CC2D2B: variants seen among roughly 807,000 people sequenced by gnomAD.
The protein encoded by CC2D2B is protein CC2D2B.
A neutral mutation model predicts 161.2 loss-of-function variants in CC2D2B; 128 were observed. The ratio of observed to expected loss-of-function variants is 0.79; its 90% CI spans 0.69 to 0.92. The LOEUF (loss-of-function observed/expected upper bound fraction) is 0.92. CC2D2B is among the 40% of genes least tolerant of loss of function. The pLI, the probability that CC2D2B is intolerant of heterozygous loss-of-function variation, is 0.00. For synonymous variants in CC2D2B, 391 were observed against 449.8 expected (o/e 0.87, Z 1.65); for missense variants, 1,173 against 1,375.1 (o/e 0.85, Z 2.32).
intron 32 of CC2D2B, among the ~76,000 whole-genome samples, chr10:96,023,783 G>A (rs985934643): frequency 2.0e-5 from 3 of 152,210 alleles, no homozygotes; most frequent in Non-Finnish European, 4.4e-5. Context: ...AGAGCCAGCG[G>A]AAGGGGAGCT....
At chr10:96,027,844 T>G (rs566905713) in intron 34 of CC2D2B, among the ~76,000 whole-genome samples, 1 of 152,154 alleles carries the variant, frequency 6.6e-6, no homozygotes, top group Non-Finnish European at 1.5e-5. Context: ...CACACCTAAG[T>G]GAACTCATTT....
Position 96,019,743 on chromosome 10 carries a change from A to AT in CC2D2B, c.3813dup (p.Asp1272Ter). On this transcript the variant is annotated frameshift_variant, in exon 32 of 35. Coordinates refer to ENST00000646931, the MANE Select transcript of CC2D2B (RefSeq NM_001349008.3). LOFTEE classifies it high-confidence loss of function. Reference sequence around the variant, plus strand: ...AACAAAATAATACACCAATGGCTGTATTTTTTGACTATTCAAAGGAAAGTT... The same window carrying AT: ...AACAAAATAATACACCAATGGCTGTATTTTTTTGACTATTCAAAGGAAAGTT... 6.2e-7 allele frequency: 1 copy of AT among 1,602,270 alleles called. No individual in the cohort carries two copies. Among genetic ancestry groups the AT allele is most frequent in the East Asian group, 2.2e-5 (1 of 44,672 alleles).
chr10:96,016,279 A>G lies in CC2D2B; in HGVS notation c.3595A>G (p.Lys1199Glu). The change falls in exon 30 of 35, where the codon AAG (lysine) becomes GAG (glutamate). Residue 1199 changes from lysine to glutamate, a missense_variant. Physicochemically the swap from Lys to Glu is moderately conservative, Grantham distance 56. Around this residue, in one of 3 missense-constraint regions of CC2D2B, gnomAD observed 598 missense variants for 693.2 expected, o/e 0.86. Coordinates refer to ENST00000646931, the MANE Select transcript of CC2D2B (RefSeq NM_001349008.3). ...LCNFFLYFGK[K>E]ALVLLGTSVL... is the part of the protein sequence containing the mutation. ...TAATTTCTTTCTGTATTTTGGAAAG[A>G]AGGCACTGGTCCTCTTGGGAACGTC... The G allele has an allele frequency of 1.2e-6, 2 of 1,612,898 alleles. No individual in the cohort carries two copies. Among genetic ancestry groups the G allele is most frequent in the South Asian group, 1.1e-5 (1 of 90,962 alleles).
At chr10:95,914,319 A>C (rs1421919755) in intron 2 of CC2D2B, among the ~76,000 whole-genome samples, 1 of 151,780 alleles carries the variant, frequency 6.6e-6, no homozygotes, top group African/African-American at 2.4e-5. Flanking sequence ...ATTGATGTGT[A>C]TGTGTGTGCG....
rs1190951352 is a variant in CC2D2B at position 95,947,111 on chromosome 10, A to AT, written c.802-2784dup. On this transcript the variant is annotated intron_variant, in intron 9 of 34. Coordinates refer to ENST00000646931, the MANE Select transcript of CC2D2B (RefSeq NM_001349008.3). ...TATATATATATATATATATATATAT[A>AT]TATTTTTTTTTTTTTTTTTGAGACA... is the stretch of plus-strand genomic sequence containing the variant. Among the ~76,000 whole-genome samples the AT allele has an allele frequency of 5.0e-3, 204 of 40,696 alleles. 1 individual carries two copies. Among genetic ancestry groups the AT allele is most frequent in the Non-Finnish European group, 5.0e-3 (122 of 24,472 alleles). The allele number at this position is 40,696 out of a possible 152,430, so 26.7% of individuals were successfully genotyped here.
At position 95,988,337 on chromosome 10, in the gene CC2D2B, A is replaced by G; in HGVS notation, c.2374A>G (p.Lys792Glu). ...AAGGATTAATTCTGCCAATTTTCTG[A>G]AAAAGGTAACAACACAGTATTATCA... is the stretch of plus-strand genomic sequence containing the variant. ...AQRINSANFL[K>E]KVRRLIMKRI... The change falls in exon 20 of 35, where the codon AAA becomes GAA. Residue 792 changes from lysine to glutamate, a missense_variant. Lys to Glu is a moderately conservative substitution (Grantham distance 56). This residue lies in a region of CC2D2B where 277 missense variants were observed against 420.6 expected (regional missense o/e 0.66). Transcript: ENST00000646931. 1 of 1,211,744 alleles carries G rather than the reference A, an allele frequency of 8.3e-7. No individual in the cohort carries two copies. Among genetic ancestry groups the G allele is most frequent in the African/African-American group, 1.6e-5 (1 of 63,486 alleles). 75.1% of individuals were successfully genotyped at this position (1,211,744 alleles called of 1,614,324 possible).
intron 28 of CC2D2B, among the ~76,000 whole-genome samples, 200 bp downstream of exon 28, chr10:96,012,929 A>G (rs1175162696): frequency 2.0e-5 from 3 of 152,202 alleles, no homozygotes; most frequent in Non-Finnish European, 2.9e-5. Flanking sequence ...GCCTATTGCT[A>G]CACCGCTTTT....
chr10:96,008,041 C>A (rs565416709), intron 25 of CC2D2B, among the ~76,000 whole-genome samples: 2 of 152,174 alleles, frequency 1.3e-5, no homozygotes, highest in South Asian at 4.2e-4. Context: ...ATATCCATTA[C>A]CCTCAAAAGT....
At chr10:95,922,718 C>T (rs2098529870) in intron 3 of CC2D2B, among the ~76,000 whole-genome samples, 1 of 152,198 alleles carries the variant, frequency 6.6e-6, no homozygotes, top group Non-Finnish European at 1.5e-5. Flanking sequence ...ATTGCATGAT[C>T]TTGCATGATC....
chr10:96,017,155 T>C (rs943843032), intron 30 of CC2D2B, among the ~76,000 whole-genome samples: 2 of 152,250 alleles, frequency 1.3e-5, no homozygotes, highest in African/African-American at 4.8e-5. Context: ...TACAGCTTAA[T>C]TTATATGCTT....
At chr10:95,984,435 T>C (rs1212902636) in intron 19 of CC2D2B, among the ~76,000 whole-genome samples, 2 of 152,236 alleles carry the variant, frequency 1.3e-5, no homozygotes, top group Non-Finnish European at 2.9e-5. Flanking sequence ...AGATTCATGC[T>C]GAAGTATTTA....
rs908133950 is a variant in CC2D2B, at chr10:96,016,998, A to C, written c.3630+684A>C. 9.2e-5 allele frequency among the ~76,000 whole-genome samples: 14 copies of C among 152,214 alleles called. 1 individual carries two copies. The highest frequency in any genetic ancestry group is 2.0e-4 in the Admixed American group (3 of 15,288). The stretch of plus-strand genomic sequence containing the variant: ...CTCCCAAAGTGCTGGGATTACAGGC[A>C]TGAGCCACTGTGCCCAGCCCATCAT... On this transcript the variant is annotated intron_variant, in intron 30 of 34. Transcript: ENST00000646931.
At chr10:95,910,241 G>A (rs1276774903) in intron 1 of CC2D2B, among the ~76,000 whole-genome samples, 5 of 152,178 alleles carry the variant, frequency 3.3e-5, no homozygotes, top group South Asian at 4.1e-4. Flanking sequence ...GCATTTAACC[G>A]TCATGTTGAA....
chr10:96,009,783 C>A, intron 25 of CC2D2B, 42 bp from the exon 26 acceptor site: 1 of 851,314 alleles, frequency 1.2e-6, no homozygotes, highest in Non-Finnish European at 1.8e-6. Context: ...CTATTCATCA[C>A]ATGATATTAA....
At position 95,924,539 on chromosome 10, in the gene CC2D2B, A is replaced by ATG. The variant is rs375219897; in HGVS notation, c.174+150_174+151insGT. ...TCTTCCTCTCTCTCTCTATATATATATTTTCCTTTTGTCTCATAACATCCT... is the reference window on the plus strand; with the variant it reads ...TCTTCCTCTCTCTCTCTATATATATATGTTTTCCTTTTGTCTCATAACATCCT... On this transcript the variant is annotated intron_variant, in intron 4 of 34. Transcript: ENST00000646931. The ATG allele has an allele frequency of 1.9e-4, 110 of 589,660 alleles. 2 individuals are homozygous for ATG. Among genetic ancestry groups the ATG allele is most frequent in the Middle Eastern group, 1.4e-3 (3 of 2,188 alleles). The allele number at this position is 589,660 out of a possible 1,614,324, so 36.5% of individuals were successfully genotyped here. A position where few individuals can be genotyped will look rare whatever the true frequency, so the allele number is the denominator to read the frequency against.
chr10:95,922,292 T>C (rs1332730344), intron 3 of CC2D2B, among the ~76,000 whole-genome samples: 1 of 152,220 alleles, frequency 6.6e-6, no homozygotes, highest in Non-Finnish European at 1.5e-5. Context: ...TTTTTGTCAC[T>C]GCAAACATGG....
chr10:95,955,988 T>G (rs2076556417), intron 11 of CC2D2B, among the ~76,000 whole-genome samples: 1 of 152,154 alleles, frequency 6.6e-6, no homozygotes, highest in Non-Finnish European at 1.5e-5. Context: ...ACAAAACATA[T>G]TCATGTGTCA....
chr10:95,988,207 CTT>C, intron 19 of CC2D2B, 41 bp from the exon 20 acceptor site: 1 of 803,324 alleles, frequency 1.2e-6, no homozygotes, highest in Non-Finnish European at 1.7e-6. Flanking sequence ...TATGTGAACT[CTT>C]TGTTACATTC....
chr10:95,983,379 C>T (rs17111260), intron 18 of CC2D2B, among the ~76,000 whole-genome samples: 5,304 of 152,132 alleles, frequency 0.035, 132 homozygotes, highest in Middle Eastern at 0.075. Context: ...GTGTTCAGTG[C>T]GAATATTTTC....
Sources: gnomAD v4.1 joint callset for allele counts (sites outside exome capture counted in the v4.1 genomes callset) on GRCh38, gnomAD v4.1.1 for gene constraint, gnomAD v4.1.1 regional missense constraint, MANE v1.5 for transcripts, NCBI Gene and HGNC (gene_info 2026-07-23, HGNC 2026-07-21) for gene names.